The following VRK2 variants were observed in gnomAD, a reference collection of about 807,000 sequenced individuals.
VRK2 encodes serine/threonine-protein kinase VRK2.
A neutral mutation model predicts 57.6 loss-of-function variants in VRK2; 60 were observed. The observed-to-expected ratio is 1.04, with a 90% CI of 0.85 to 1.29. The LOEUF is 1.29. Among genes scored for constraint, VRK2 ranks in the 50% most tolerant of loss-of-function variants. The probability of loss-of-function intolerance (pLI) is 0.00; values close to 1 mark genes in which losing one functional copy is unlikely to be tolerated. For missense variants in VRK2, 705 were observed against 588.1 expected, an observed-to-expected ratio of 1.20 and a Z score of -2.06; for synonymous variants, 231 against 199.2, an observed-to-expected ratio of 1.16 and a Z score of -1.35.
upstream of VRK2, among the ~76,000 whole-genome samples, chr2:58,045,540 G>A (rs2103737964): frequency 6.6e-6 from 1 of 152,282 alleles, no homozygotes; most frequent in African/African-American, 2.4e-5. Context: ...AAATAAGAAA[G>A]GACACTGTTG....
intron 3 of VRK2, among the ~76,000 whole-genome samples, chr2:58,035,451 T>C (rs908022014): frequency 6.6e-5 from 10 of 151,994 alleles, no homozygotes; most frequent in Admixed American, 5.9e-4. Context: ...CATTAAAAAC[T>C]CAAGAGTATC....
chr2:57,996,752 T>C (rs1271335312), intron 1 of VRK2, among the ~76,000 whole-genome samples: 1 of 152,144 alleles, frequency 6.6e-6, no homozygotes, highest in Non-Finnish European at 1.5e-5. Context: ...TTCTAAGATG[T>C]ATAAGTCCCT....
At chr2:58,094,310 T>C (rs1672810767) in intron 7 of VRK2, among the ~76,000 whole-genome samples, 1 of 152,228 alleles carries the variant, frequency 6.6e-6, no homozygotes, top group Admixed American at 6.5e-5. Flanking sequence ...TGGAATGTTC[T>C]TCCATTTGTT....
chr2:58,071,616 G>A (rs186018179), intron 2 of VRK2, among the ~76,000 whole-genome samples: 3 of 151,852 alleles, frequency 2.0e-5, no homozygotes, highest in East Asian at 3.9e-4. Context: ...TGACTATATC[G>A]GGTCTATTTC....
At chr2:57,912,816 A>G (rs1670031146) in intron 1 of VRK2, among the ~76,000 whole-genome samples, 1 of 152,208 alleles carries the variant, frequency 6.6e-6, no homozygotes, top group African/African-American at 2.4e-5. Flanking sequence ...AAATATTTGT[A>G]TCCCGAGATT....
intron 1 of VRK2, among the ~76,000 whole-genome samples, chr2:58,010,948 T>C (rs1255257239): frequency 1.3e-5 from 2 of 152,178 alleles, no homozygotes; most frequent in Non-Finnish European, 2.9e-5. Context: ...ATTAACAACC[T>C]TACTTTTTAG....
At chr2:58,081,653 C>T (rs1480246638) in intron 2 of VRK2, among the ~76,000 whole-genome samples, 1 of 151,792 alleles carries the variant, frequency 6.6e-6, no homozygotes, top group Admixed American at 6.6e-5. Context: ...TTTTGGATAA[C>T]TCAAGGGCAT....
chr2:57,968,112 C>A (rs1024123047), intron 1 of VRK2, among the ~76,000 whole-genome samples: 1 of 151,822 alleles, frequency 6.6e-6, no homozygotes, highest in East Asian at 1.9e-4. Flanking sequence ...AATAAAACTG[C>A]GGTAGCTAAA....
chr2:58,095,946 A>T (rs1451940156), intron 7 of VRK2, among the ~76,000 whole-genome samples: 1 of 152,142 alleles, frequency 6.6e-6, no homozygotes, highest in Non-Finnish European at 1.5e-5. Flanking sequence ...GTATCTGTTT[A>T]TAAAGTCAAG....
intron 1 of VRK2, among the ~76,000 whole-genome samples, chr2:58,001,565 T>TAATCC (rs1558534391): frequency 6.6e-6 from 1 of 152,210 alleles, no homozygotes; most frequent in Non-Finnish European, 1.5e-5. Context: ...CTCACACCTG[T>TAATCC]AATCCCAGCA....
chr2:57,983,978 A>G (rs985598319), intron 1 of VRK2, among the ~76,000 whole-genome samples: 1 of 152,210 alleles, frequency 6.6e-6, no homozygotes, highest in African/African-American at 2.4e-5. Context: ...GGGGGACATC[A>G]AAAAAGATCA....
At chr2:57,944,892 G>A (rs1293896789) in intron 1 of VRK2, among the ~76,000 whole-genome samples, 2 of 152,000 alleles carry the variant, frequency 1.3e-5, no homozygotes, top group Admixed American at 1.3e-4. Flanking sequence ...TCCCTACAGC[G>A]TACCAGGTGC....
At chr2:57,920,801 T>C (rs1219164880) in intron 1 of VRK2, among the ~76,000 whole-genome samples, 1 of 152,076 alleles carries the variant, frequency 6.6e-6, no homozygotes, top group Non-Finnish European at 1.5e-5. Flanking sequence ...TGGCAATAGA[T>C]GAAAAGGAAA....
chr2:58,077,509 C>T (rs937414093), intron 2 of VRK2, among the ~76,000 whole-genome samples: 12 of 151,418 alleles, frequency 7.9e-5, no homozygotes, highest in East Asian at 1.9e-4. Context: ...TACCTCTAAG[C>T]GTCTCCTCCA....
intron 1 of VRK2, among the ~76,000 whole-genome samples, chr2:57,936,250 T>C (rs1477645763): frequency 6.6e-6 from 1 of 152,252 alleles, no homozygotes; most frequent in Non-Finnish European, 1.5e-5. Context: ...ATTTCTGCAA[T>C]TATATTTTTT....
intron 1 of VRK2, among the ~76,000 whole-genome samples, chr2:57,993,794 T>C (rs1672843576): frequency 6.6e-6 from 1 of 152,162 alleles, no homozygotes; most frequent in Non-Finnish European, 1.5e-5. Flanking sequence ...TCTTTGATTT[T>C]TGTCAGGAGG....
At chr2:58,058,061 T>C (rs974447977) in intron 2 of VRK2, among the ~76,000 whole-genome samples, 1 of 152,122 alleles carries the variant, frequency 6.6e-6, no homozygotes, top group African/African-American at 2.4e-5. Flanking sequence ...TGAGAGGCAG[T>C]ATTATTGAGC....
intron 10 of VRK2, among the ~76,000 whole-genome samples, chr2:58,137,159 T>TATATATC (rs1363525988): frequency 1.4e-5 from 1 of 71,834 alleles, no homozygotes; most frequent in Non-Finnish European, 2.9e-5. Context: ...CATGTGTTTA[T>TATATATC]ATATATCATA....
chr2:58,046,270 GAA>G (rs1438320409), upstream of VRK2, among the ~76,000 whole-genome samples: 1 of 152,192 alleles, frequency 6.6e-6, no homozygotes, highest in African/African-American at 2.4e-5. Flanking sequence ...AAAAAAACCT[GAA>G]GTTTGTTAAT....
Sources: allele counts gnomAD v4.1 joint callset (sites outside exome capture counted in the v4.1 genomes callset), GRCh38; gene constraint gnomAD v4.1.1; transcripts MANE v1.5; gene names NCBI Gene and HGNC (gene_info 2026-07-23, HGNC 2026-07-21).